Variants in WDPCP observed in about 807,000 individuals in gnomAD.
WDPCP encodes WD repeat-containing and planar cell polarity effector protein fritz homolog.
In WDPCP, 71 loss-of-function variants were observed where a neutral mutation model predicts 93.1. The ratio of observed to expected loss-of-function variants is 0.76; its 90% CI spans 0.63 to 0.93. The LOEUF is 0.93. WDPCP is among the 40% of genes least tolerant of loss of function. The pLI is 0.00. For missense variants in WDPCP, 844 were observed against 887.4 expected, an observed-to-expected ratio of 0.95 and a Z score of 0.62; for synonymous variants, 315 against 315.0, an observed-to-expected ratio of 1.00 and a Z score of 0.00.
At chr2:63,392,106 G>A (rs1256234105) in intron 10 of WDPCP, among the ~76,000 whole-genome samples, 5 of 152,152 alleles carry the variant, frequency 3.3e-5, no homozygotes, top group Non-Finnish European at 7.3e-5. Context: ...GAACAAAGCT[G>A]GAGGCATCAC....
intron 3 of WDPCP, among the ~76,000 whole-genome samples, chr2:63,625,080 C>T (rs1174991906): frequency 1.3e-5 from 2 of 152,196 alleles, no homozygotes; most frequent in African/African-American, 4.8e-5. Flanking sequence ...ACAAAAACCA[C>T]ATGAATATCT....
intron 17 of WDPCP, among the ~76,000 whole-genome samples, chr2:63,145,072 A>C (rs1213579270): frequency 6.6e-6 from 1 of 152,002 alleles, no homozygotes; most frequent in Non-Finnish European, 1.5e-5. Context: ...CCAGGCTGGT[A>C]CTGGGGGTTG....
intron 6 of WDPCP, among the ~76,000 whole-genome samples, chr2:63,444,766 T>C (rs1438638291): frequency 1.3e-5 from 2 of 152,188 alleles, no homozygotes; most frequent in African/African-American, 4.8e-5. Flanking sequence ...TGTTTAAATG[T>C]TGTGCAGGAG....
intron 1 of WDPCP, among the ~76,000 whole-genome samples, chr2:63,554,729 C>T (rs1319802933): frequency 2.0e-5 from 3 of 152,142 alleles, no homozygotes; most frequent in Non-Finnish European, 2.9e-5. Flanking sequence ...ATCAAAATTT[C>T]ACCTACTACT....
At chr2:63,128,947 C>T (rs530561150) in intron 17 of WDPCP, among the ~76,000 whole-genome samples, 8 of 152,192 alleles carry the variant, frequency 5.3e-5, no homozygotes, top group Non-Finnish European at 7.3e-5. Context: ...GGATTACAGG[C>T]GTGAGCCACT....
chr2:63,356,856 T>C (rs1446332672), intron 12 of WDPCP, among the ~76,000 whole-genome samples: 1 of 152,278 alleles, frequency 6.6e-6, no homozygotes, highest in South Asian at 2.1e-4. Flanking sequence ...AGAGACATCA[T>C]GTTATCCTAC....
chr2:63,502,297 C>T (rs950420058), intron 1 of WDPCP, among the ~76,000 whole-genome samples: 10 of 152,124 alleles, frequency 6.6e-5, no homozygotes, highest in Non-Finnish European at 4.4e-5. Context: ...TTGACTTATC[C>T]ATTCTCTTAA....
At chr2:63,509,403 G>T (rs1471876266) in intron 1 of WDPCP, among the ~76,000 whole-genome samples, 1 of 152,128 alleles carries the variant, frequency 6.6e-6, no homozygotes, top group Non-Finnish European at 1.5e-5. Context: ...AAGATGCAAT[G>T]TACCAGAATC....
intron 12 of WDPCP, among the ~76,000 whole-genome samples, chr2:63,343,439 C>G (rs1688988443): frequency 6.6e-6 from 1 of 152,114 alleles, no homozygotes; most frequent in South Asian, 2.1e-4. Context: ...TTGAGGATCC[C>G]TTCTACATGA....
chr2:63,502,057 C>T (rs2106014723), intron 1 of WDPCP, among the ~76,000 whole-genome samples: 1 of 152,330 alleles, frequency 6.6e-6, no homozygotes, highest in Non-Finnish European at 1.5e-5. Flanking sequence ...CTGAAGGAAG[C>T]CATTGCACAG....
At chr2:63,253,447 C>A (rs554807024) in intron 14 of WDPCP, among the ~76,000 whole-genome samples, 1 of 152,194 alleles carries the variant, frequency 6.6e-6, no homozygotes, top group Admixed American at 6.5e-5. Context: ...ACAAAGTAAA[C>A]AGACAGCCTA....
rs897567818 is a variant in WDPCP, at chr2:63,120,766, C to T, written c.*1240G>A. Among the ~76,000 whole-genome samples, 1 of 151,628 alleles carries T rather than the reference C, an allele frequency of 6.6e-6. No individual in the cohort carries two copies. Among genetic ancestry groups the T allele is most frequent in the Non-Finnish European group, 1.5e-5 (1 of 67,936 alleles). On this transcript the variant is annotated 3_prime_UTR_variant, in exon 18 of 18. Transcript: ENST00000272321. The stretch of plus-strand genomic sequence containing the variant: ...GTCTAGGATGGTCTCCATCTCCTGA[C>T]CTCGTGATTCGCCCGCCTTGGCCTC...
At chr2:63,499,523 G>A (rs1701417295) in intron 1 of WDPCP, among the ~76,000 whole-genome samples, 1 of 152,188 alleles carries the variant, frequency 6.6e-6, no homozygotes, top group Non-Finnish European at 1.5e-5. Context: ...TTGGAGGAGT[G>A]AAGGAAAGTT....
intron 14 of WDPCP, among the ~76,000 whole-genome samples, chr2:63,255,436 G>A (rs953670577): frequency 2.0e-5 from 3 of 152,142 alleles, no homozygotes; most frequent in African/African-American, 7.2e-5. Flanking sequence ...AGGTGTTTGG[G>A]TCATGAAGGC....
intron 13 of WDPCP, among the ~76,000 whole-genome samples, chr2:63,306,972 T>C (rs896529978): frequency 2.0e-5 from 3 of 152,206 alleles, no homozygotes; most frequent in Non-Finnish European, 2.9e-5. Flanking sequence ...GCAGATGACA[T>C]GATTGTATAT....
chr2:63,298,450 C>A (rs1251226473), intron 13 of WDPCP, among the ~76,000 whole-genome samples: 1 of 151,814 alleles, frequency 6.6e-6, no homozygotes, highest in African/African-American at 2.4e-5. Flanking sequence ...TGTGGGTGGG[C>A]ATTATCCCAT....
chr2:63,326,881 C>T (rs989712044), intron 12 of WDPCP, among the ~76,000 whole-genome samples: 3 of 152,080 alleles, frequency 2.0e-5, no homozygotes, highest in African/African-American at 7.2e-5. Context: ...AATTTAAAAC[C>T]TCTAATTGAT....
In WDPCP at chr2:63,815,040, T is replaced by C. The variant is rs148590695; in HGVS notation, n.223-1333A>G. The stretch of plus-strand genomic sequence containing the variant: ...ACAGTTAAATGAGATTTTCGATTTA[T>C]AGACATTGCAAAAGACTGGAGTGGT... On this transcript the variant is annotated intron_variant and non_coding_transcript_variant, in intron 1 of 4. Transcript: ENST00000467687. Among the ~76,000 whole-genome samples, 16 of 152,322 alleles carry C rather than the reference T, an allele frequency of 1.1e-4. No homozygotes were observed. The East Asian group carries it at 2.5e-3, about 24-fold the overall frequency.
intron 2 of WDPCP, among the ~76,000 whole-genome samples, chr2:63,788,192 C>A (rs1479523710): frequency 6.6e-6 from 1 of 152,094 alleles, no homozygotes; most frequent in Non-Finnish European, 1.5e-5. Flanking sequence ...CTACACAGCC[C>A]TTCAAGACAC....
Sources: gnomAD v4.1 joint callset for allele counts (sites outside exome capture counted in the v4.1 genomes callset) on GRCh38, gnomAD v4.1.1 for gene constraint, MANE v1.5 for transcripts, NCBI Gene and HGNC (gene_info 2026-07-23, HGNC 2026-07-21) for gene names.